KCNJ6: variants seen among roughly 807,000 people sequenced by gnomAD.
KCNJ6 encodes the protein potassium inwardly rectifying channel subfamily J member 6.
Under a neutral mutation model 34.2 loss-of-function variants are expected in KCNJ6, and 9 were observed. The observed-to-expected ratio is 0.26, with a 90% CI of 0.16 to 0.46. The LOEUF (loss-of-function observed/expected upper bound fraction) is 0.46, where lower values mean the gene tolerates loss of function less well. Ranked by LOEUF, KCNJ6 falls within the 20% of genes least tolerant of loss-of-function variation. The pLI, the probability that KCNJ6 is intolerant of heterozygous loss-of-function variation, is 1.00. For missense variants in KCNJ6, 236 were observed against 531.3 expected (o/e 0.44, Z 5.46); for synonymous variants, 196 against 207.1 (o/e 0.95, Z 0.46).
intron 2 of KCNJ6, among the ~76,000 whole-genome samples, chr21:37,736,989 T>C (rs890196024): frequency 2.6e-5 from 4 of 152,236 alleles, no homozygotes; most frequent in Admixed American, 2.0e-4. Context: ...TGACATGAGT[T>C]TCCTAACAAA....
intron 1 of KCNJ6, among the ~76,000 whole-genome samples, chr21:37,862,316 T>A (rs2055598639): frequency 1.3e-5 from 2 of 152,316 alleles, no homozygotes; most frequent in South Asian, 4.1e-4. Flanking sequence ...TCCAATGTGC[T>A]TTTTTTGGCA....
intron 2 of KCNJ6, among the ~76,000 whole-genome samples, chr21:37,786,322 C>G (rs778278084): frequency 1.3e-5 from 2 of 152,124 alleles, no homozygotes; most frequent in Non-Finnish European, 1.5e-5. Context: ...TCAGGTGGAC[C>G]AAGTGACAGA....
intron 1 of KCNJ6, among the ~76,000 whole-genome samples, chr21:37,909,654 G>A (rs1350331162): frequency 6.6e-6 from 1 of 152,152 alleles, no homozygotes; most frequent in Admixed American, 6.5e-5. Context: ...ATAGGTGTAA[G>A]CCACCGCTCC....
At chr21:37,828,448 C>T (rs1038484365) in intron 2 of KCNJ6, among the ~76,000 whole-genome samples, 22 of 152,156 alleles carry the variant, frequency 1.4e-4, no homozygotes, top group African/African-American at 5.3e-4. Context: ...TGTGGGCTGT[C>T]CCAGCTCACA....
intron 3 of KCNJ6, among the ~76,000 whole-genome samples, chr21:37,688,712 G>GA (rs1413972054): frequency 6.6e-6 from 1 of 152,220 alleles, no homozygotes; most frequent in Non-Finnish European, 1.5e-5. Context: ...GCAGATGCCA[G>GA]ATAAGGCACC....
intron 2 of KCNJ6, among the ~76,000 whole-genome samples, chr21:37,779,755 G>T (rs1273113611): frequency 6.6e-6 from 1 of 152,216 alleles, no homozygotes; most frequent in South Asian, 2.1e-4. Context: ...TAACCTTGAA[G>T]GTTTGCTTGT....
chr21:37,640,718 C>T (rs1016131350), intron 3 of KCNJ6, among the ~76,000 whole-genome samples: 2 of 152,162 alleles, frequency 1.3e-5, no homozygotes, highest in Admixed American at 6.5e-5. Context: ...CTCTTTGATG[C>T]GTGGTATTTA....
intron 1 of KCNJ6, among the ~76,000 whole-genome samples, chr21:37,900,478 T>C (rs2055811471): frequency 6.6e-6 from 1 of 152,202 alleles, no homozygotes; most frequent in Non-Finnish European, 1.5e-5. Flanking sequence ...GCTTGCCTTC[T>C]ATTGCAGGAG....
intron 3 of KCNJ6, among the ~76,000 whole-genome samples, chr21:37,661,777 C>A (rs2054490594): frequency 7.4e-6 from 1 of 135,176 alleles, no homozygotes; most frequent in Admixed American, 7.6e-5. Context: ...CGCCGGCCAC[C>A]ATGCCCCGCT....
intron 1 of KCNJ6, among the ~76,000 whole-genome samples, chr21:37,869,544 G>A (rs2055639789): frequency 6.6e-6 from 1 of 152,176 alleles, no homozygotes; most frequent in Non-Finnish European, 1.5e-5. Context: ...TTTGGGTTTA[G>A]CTCACCTGCT....
At chr21:37,872,420 A>G (rs2123614229) in intron 1 of KCNJ6, among the ~76,000 whole-genome samples, 1 of 152,318 alleles carries the variant, frequency 6.6e-6, no homozygotes, top group South Asian at 2.1e-4. Context: ...TGTCACCGGC[A>G]TTAGTTAGGG....
intron 2 of KCNJ6, among the ~76,000 whole-genome samples, chr21:37,795,805 A>C (rs2055239025): frequency 1.3e-5 from 2 of 152,042 alleles, no homozygotes; most frequent in South Asian, 2.1e-4. Context: ...GTTAAAAAAG[A>C]AAATAAAGAA....
At chr21:37,891,346 GACAA>G (rs2055761137) in intron 1 of KCNJ6, among the ~76,000 whole-genome samples, 1 of 151,990 alleles carries the variant, frequency 6.6e-6, no homozygotes, top group Non-Finnish European at 1.5e-5. Context: ...GACACGCATA[GACAA>G]ACACACAGGC....
intron 2 of KCNJ6, among the ~76,000 whole-genome samples, chr21:37,760,318 C>T (rs1410470007): frequency 6.6e-6 from 1 of 152,222 alleles, no homozygotes. Flanking sequence ...GACAAGGAAA[C>T]TGAGCCACAG....
intron 2 of KCNJ6, among the ~76,000 whole-genome samples, chr21:37,770,408 G>C (rs1028458050): frequency 6.6e-6 from 1 of 151,922 alleles, no homozygotes; most frequent in Non-Finnish European, 1.5e-5. Context: ...TCATGCCTGT[G>C]AATCAACAGG....
At chr21:37,766,535 G>A (rs1301841814) in intron 2 of KCNJ6, among the ~76,000 whole-genome samples, 2 of 152,192 alleles carry the variant, frequency 1.3e-5, no homozygotes, top group Non-Finnish European at 1.5e-5. Flanking sequence ...TTGGATAGCA[G>A]GAATGAAATG....
chr21:37,892,900 T>G lies in KCNJ6; in HGVS notation c.-28+22984A>C, dbSNP rs186903493. The stretch of plus-strand genomic sequence containing the variant: ...TGGAGTCTTGCTCTGTCACCCAGGC[T>G]GGAATGCAGTGGTGTGATCTCGGCT... On this transcript the variant is annotated intron_variant, in intron 1 of 3. Transcript: ENST00000609713. Among the ~76,000 whole-genome samples the G allele has an allele frequency of 2.5e-3, 382 of 150,488 alleles. 7 individuals carry two copies. The highest frequency in any genetic ancestry group is 7.7e-3 in the Admixed American group (115 of 15,008).
chr21:37,745,867 G>T (rs1245740633), intron 2 of KCNJ6, among the ~76,000 whole-genome samples: 1 of 152,188 alleles, frequency 6.6e-6, no homozygotes, highest in South Asian at 2.1e-4. Flanking sequence ...CCAGGATCAC[G>T]GTGTGTTCGC....
intron 2 of KCNJ6, among the ~76,000 whole-genome samples, chr21:37,770,144 T>C (rs1188615983): frequency 6.6e-6 from 1 of 152,168 alleles, no homozygotes; most frequent in Non-Finnish European, 1.5e-5. Context: ...TCTTGGCCAG[T>C]AGGAGCTGCA....
Sources: gnomAD v4.1 joint callset for allele counts (sites outside exome capture counted in the v4.1 genomes callset) on GRCh38, gnomAD v4.1.1 for gene constraint, MANE v1.5 for transcripts, NCBI Gene and HGNC (gene_info 2026-07-23, HGNC 2026-07-21) for gene names.